Variants in CUBN observed in about 807,000 individuals in gnomAD.
CUBN encodes 460 kDa receptor.
In CUBN, 282 loss-of-function variants were observed where a neutral mutation model predicts 405.3. The ratio of observed to expected loss-of-function variants is 0.70; its 90% CI spans 0.63 to 0.77. CUBN has a LOEUF of 0.77. Ranked by LOEUF, CUBN falls within the 30% of genes least tolerant of loss-of-function variation. The pLI, the probability that CUBN is intolerant of heterozygous loss-of-function variation, is 0.00. For synonymous variants in CUBN, 1,684 were observed against 1,617.0 expected (o/e 1.04, Z -0.99); for missense variants, 4,514 against 4,475.2 (o/e 1.01, Z -0.25).
chr10:17,047,692 G>T, intron 22 of CUBN, 89 bp from the exon 23 acceptor site: 2 of 1,226,132 alleles, frequency 1.6e-6, no homozygotes, highest in Non-Finnish European at 2.4e-6. Context: ...ATTAATTTGT[G>T]CCTATACTTG....
intron 40 of CUBN, among the ~76,000 whole-genome samples, chr10:16,931,085 C>T (rs148716274): frequency 0.028 from 4,277 of 151,088 alleles, 178 homozygotes; most frequent in African/African-American, 0.096. Context: ...TGAAACCCCA[C>T]CTCTACTAAA....
intron 60 of CUBN, among the ~76,000 whole-genome samples, chr10:16,849,523 C>T (rs1247397091): frequency 6.6e-6 from 1 of 152,194 alleles, no homozygotes; most frequent in Admixed American, 6.5e-5. Flanking sequence ...CTCACCAAAC[C>T]ACACTGTTAT....
chr10:17,087,741 C>G (rs1836155808), intron 15 of CUBN, among the ~76,000 whole-genome samples: 1 of 152,086 alleles, frequency 6.6e-6, no homozygotes. Flanking sequence ...TCCCAAAGTG[C>G]AGGGATTTCA....
At chr10:16,931,956 G>A (rs1428856027) in intron 40 of CUBN, among the ~76,000 whole-genome samples, 1 of 152,162 alleles carries the variant, frequency 6.6e-6, no homozygotes, top group African/African-American at 2.4e-5. Flanking sequence ...ATGTGTGCAA[G>A]GATGCACATC....
At chr10:16,963,408 A>G (rs1389692561) in intron 31 of CUBN, among the ~76,000 whole-genome samples, 1 of 151,436 alleles carries the variant, frequency 6.6e-6, no homozygotes, top group East Asian at 1.9e-4. Flanking sequence ...GCTATTTTCG[A>G]ACTCCTGACC....
At position 16,925,393 on chromosome 10, in the gene CUBN, G is replaced by A. The variant is rs760999226; in HGVS notation, c.6494C>T (p.Pro2165Leu). 6.2e-7 allele frequency: 1 copy of A among 1,613,920 alleles called. No individual in the cohort carries two copies. The highest frequency in any genetic ancestry group is 1.1e-5 in the South Asian group (1 of 91,078). ...ACCATTTCCTCCAGGGGGTCCCAAG[G>A]GTGGAGAACAGATATCAGGACCATT... is the stretch of plus-strand genomic sequence containing the variant. ...LRNGPDICSP[P>L]LGPPGGNGHF... The change falls in exon 43 of 67, where the codon CCC (proline) becomes CTC (leucine). Residue 2165 changes from proline to leucine, a missense_variant. Physicochemically the swap from Pro to Leu is moderately conservative, Grantham distance 98. Transcript: ENST00000377833.
intron 17 of CUBN, among the ~76,000 whole-genome samples, chr10:17,077,422 G>A (rs943707117): frequency 9.9e-5 from 15 of 152,140 alleles, no homozygotes; most frequent in African/African-American, 3.1e-4. Context: ...CTAGTGAGTC[G>A]TGAGCTTTAA....
At chr10:17,010,513 C>T (rs1239031387) in intron 28 of CUBN, among the ~76,000 whole-genome samples, 5 of 152,072 alleles carry the variant, frequency 3.3e-5, no homozygotes, top group Non-Finnish European at 7.4e-5. Flanking sequence ...GTGGTACACA[C>T]CTGTAGTCTC....
At chr10:16,875,653 T>A (rs923558850) in intron 57 of CUBN, among the ~76,000 whole-genome samples, 6 of 152,244 alleles carry the variant, frequency 3.9e-5, no homozygotes, top group Non-Finnish European at 7.3e-5. Context: ...TTTCACTTTA[T>A]ACACAATTAT....
intron 34 of CUBN, 135 bp from the exon 35 acceptor site, chr10:16,948,741 AT>A: frequency 9.8e-7 from 1 of 1,023,658 alleles, no homozygotes; most frequent in Non-Finnish European, 1.5e-6. Context: ...GAACCACTTC[AT>A]TCAGGGTCAA....
intron 29 of CUBN, among the ~76,000 whole-genome samples, chr10:16,987,235 A>G (rs1374950919): frequency 3.3e-5 from 5 of 152,330 alleles, no homozygotes; most frequent in East Asian, 3.9e-4. Context: ...GGCTTCCACA[A>G]ATAAAACCGA....
chr10:16,953,076 A>C (rs1231183391), intron 32 of CUBN, among the ~76,000 whole-genome samples: 1 of 152,118 alleles, frequency 6.6e-6, no homozygotes, highest in Non-Finnish European at 1.5e-5. Context: ...CAGGAGCTTG[A>C]GCTTTATTCT....
chr10:16,915,044 A>T lies in CUBN; in HGVS notation c.7339T>A (p.Ser2447Thr), dbSNP rs1455784547. The part of the protein sequence containing the change: ...TASGFRLRFE[S>T]SMEECGGDLQ... ...TCAATGAACTCACCTTCCATACTGG[A>T]TTCAAATCGCAGTCTGAATCCTGAG... Residue 2447 changes from serine to threonine, a missense_variant, in exon 47 of 67, where the codon TCC becomes ACC. Ser to Thr is a moderately conservative substitution (Grantham distance 58). Around this residue, in one of 5 missense-constraint regions of CUBN, gnomAD observed 1,613 missense variants for 1,542.8 expected, o/e 1.05. Transcript: ENST00000377833. 1 of 1,613,842 alleles carries T rather than the reference A, an allele frequency of 6.2e-7. No homozygotes were observed. Among genetic ancestry groups the T allele is most frequent in the Non-Finnish European group, 8.5e-7 (1 of 1,179,976 alleles).
intron 28 of CUBN, among the ~76,000 whole-genome samples, chr10:17,018,398 T>C (rs769653071): frequency 1.3e-5 from 2 of 152,110 alleles, no homozygotes; most frequent in Admixed American, 6.6e-5. Context: ...TTCTTAAAGA[T>C]GGTGTGTCCG....
At chr10:16,976,977 G>A (rs1833117988) in intron 31 of CUBN, among the ~76,000 whole-genome samples, 1 of 152,120 alleles carries the variant, frequency 6.6e-6, no homozygotes, top group Admixed American at 6.5e-5. Flanking sequence ...TTCTCAGTTT[G>A]ACTTTTATTT....
intron 56 of CUBN, among the ~76,000 whole-genome samples, chr10:16,887,684 A>C (rs923907905): frequency 2.0e-5 from 3 of 152,242 alleles, no homozygotes; most frequent in Non-Finnish European, 2.9e-5. Flanking sequence ...AAAACATTAA[A>C]AATAGAACTA....
intron 22 of CUBN, among the ~76,000 whole-genome samples, chr10:17,047,862 T>C (rs532514153): frequency 6.6e-6 from 1 of 152,280 alleles, no homozygotes; most frequent in East Asian, 1.9e-4. Flanking sequence ...GTCTTGAAAG[T>C]GTTACGTTTT....
chr10:16,834,498 C>T (rs1008320653), intron 64 of CUBN, among the ~76,000 whole-genome samples: 1 of 152,122 alleles, frequency 6.6e-6, no homozygotes, highest in Admixed American at 6.5e-5. Context: ...GACCACACCC[C>T]CCTGAGACCA....
At chr10:17,023,266 C>A (rs1385603717) in intron 27 of CUBN, among the ~76,000 whole-genome samples, 1 of 82,296 alleles carries the variant, frequency 1.2e-5, no homozygotes, top group Non-Finnish European at 2.4e-5. Flanking sequence ...TTTCTTTTTG[C>A]CTTTGGGGGG....
Sources: allele counts gnomAD v4.1 joint callset (sites outside exome capture counted in the v4.1 genomes callset), GRCh38; gene constraint gnomAD v4.1.1; regional missense constraint gnomAD v4.1.1; transcripts MANE v1.5; gene names NCBI Gene and HGNC (gene_info 2026-07-23, HGNC 2026-07-21).